The following KCNU1 variants were observed in gnomAD, a reference collection of about 807,000 sequenced individuals.
KCNU1 encodes the protein potassium channel subfamily U member 1.
A neutral mutation model predicts 126.8 loss-of-function variants in KCNU1; 93 were observed. The ratio of observed to expected loss-of-function variants is 0.73; its 90% confidence interval spans 0.62 to 0.87. KCNU1 has a LOEUF of 0.87. Among genes scored for constraint, KCNU1 ranks in the 40% least tolerant of loss-of-function variants. The probability of loss-of-function intolerance (pLI) is 0.00; values close to 1 mark genes in which losing one functional copy is unlikely to be tolerated. For synonymous variants in KCNU1, 523 were observed against 494.2 expected (o/e 1.06, Z -0.77); for missense variants, 1,330 against 1,367.1 (o/e 0.97, Z 0.43).
chr8:36,866,825 TAATAAC>T (rs1805928199), intron 19 of KCNU1, among the ~76,000 whole-genome samples: 1 of 152,104 alleles, frequency 6.6e-6, no homozygotes, highest in Non-Finnish European at 1.5e-5. Context: ...TGACTATAGT[TAATAAC>T]AATATATAGC....
intron 2 of KCNU1, among the ~76,000 whole-genome samples, chr8:36,802,698 A>G (rs1340928424): frequency 6.6e-6 from 1 of 152,164 alleles, no homozygotes; most frequent in Non-Finnish European, 1.5e-5. Flanking sequence ...ATTAAATATC[A>G]AAAAGATTGT....
intron 19 of KCNU1, among the ~76,000 whole-genome samples, chr8:36,867,883 A>C (rs1220162618): frequency 1.3e-5 from 2 of 152,162 alleles, no homozygotes; most frequent in African/African-American, 2.4e-5. Context: ...CCAGTCTGTC[A>C]GCCCTATTTC....
chr8:36,914,850 T>C (rs1808035810), intron 22 of KCNU1, among the ~76,000 whole-genome samples: 1 of 152,228 alleles, frequency 6.6e-6, no homozygotes, highest in Non-Finnish European at 1.5e-5. Flanking sequence ...CGAAGTAATC[T>C]ACAATTAAGC....
intron 2 of KCNU1, among the ~76,000 whole-genome samples, chr8:36,797,773 T>C (rs1370747225): frequency 6.6e-6 from 1 of 152,206 alleles, no homozygotes; most frequent in Non-Finnish European, 1.5e-5. Flanking sequence ...AGTTTAGAAT[T>C]CTTGGCTTGC....
intron 4 of KCNU1, among the ~76,000 whole-genome samples, 163 bp downstream of exon 4, chr8:36,805,448 C>G (rs968078549): frequency 3.3e-5 from 5 of 152,162 alleles, no homozygotes; most frequent in Non-Finnish European, 1.5e-5. Flanking sequence ...TAAAAACTCT[C>G]TCTCCTGCAC....
intron 19 of KCNU1, among the ~76,000 whole-genome samples, chr8:36,883,446 G>A (rs887670746): frequency 6.6e-6 from 1 of 152,020 alleles, no homozygotes; most frequent in Non-Finnish European, 1.5e-5. Context: ...ACAACCTCAG[G>A]GTAACTAATT....
chr8:36,906,085 C>T (rs1194457979), intron 20 of KCNU1, among the ~76,000 whole-genome samples: 1 of 151,998 alleles, frequency 6.6e-6, no homozygotes, highest in African/African-American at 2.4e-5. Context: ...CTCAGTTATT[C>T]AGAATAATGT....
chr8:36,926,255 T>C (rs1808528110), intron 24 of KCNU1, among the ~76,000 whole-genome samples: 1 of 152,164 alleles, frequency 6.6e-6, no homozygotes. Context: ...GTGTATGTGA[T>C]CCTAGAGTCA....
chr8:36,929,267 C>T (rs1289716630), intron 24 of KCNU1, among the ~76,000 whole-genome samples: 1 of 151,666 alleles, frequency 6.6e-6, no homozygotes, highest in Non-Finnish European at 1.5e-5. Flanking sequence ...AACTGTAATA[C>T]CAGCTACTTG....
intron 18 of KCNU1, among the ~76,000 whole-genome samples, chr8:36,863,273 A>C (rs1310605421): frequency 6.6e-6 from 1 of 152,118 alleles, no homozygotes; most frequent in East Asian, 1.9e-4. Context: ...TGAGGTGATA[A>C]GTGGGATTAA....
Position 36,806,267 on chromosome 8 carries a change from A to T in KCNU1, c.469-2A>T. On this transcript the variant is annotated splice_acceptor_variant, in intron 4 of 26. Transcript: ENST00000399881. LOFTEE classifies it high-confidence loss of function. ...TTGTGTTATTCTGTTTCTATTTCAT[A>T]GTTTATGGCAGCTGATGACAAGATC... is the stretch of plus-strand genomic sequence containing the variant. 6.3e-7 allele frequency: 1 copy of T among 1,592,814 alleles called. No individual in the cohort carries two copies. Among genetic ancestry groups the T allele is most frequent in the Non-Finnish European group, 8.6e-7 (1 of 1,165,762 alleles).
intron 19 of KCNU1, among the ~76,000 whole-genome samples, chr8:36,893,388 T>C (rs1332060207): frequency 6.6e-6 from 1 of 151,938 alleles, no homozygotes; most frequent in Admixed American, 6.6e-5. Context: ...AAAAAATTAC[T>C]GCTGATTATT....
chr8:36,850,620 C>T (rs773757400), intron 18 of KCNU1, among the ~76,000 whole-genome samples: 2 of 152,124 alleles, frequency 1.3e-5, no homozygotes, highest in Non-Finnish European at 2.9e-5. Context: ...CTATGCCCAG[C>T]TAATTCCTGC....
intron 24 of KCNU1, among the ~76,000 whole-genome samples, 196 bp from the exon 25 acceptor site, chr8:36,930,755 T>G (rs1486993314): frequency 6.6e-6 from 1 of 152,154 alleles, no homozygotes; most frequent in Non-Finnish European, 1.5e-5. Flanking sequence ...TTGTTTTCTC[T>G]GCACTTGGCC....
Position 36,834,829 on chromosome 8 carries a change from G to T in KCNU1, c.1256G>T (p.Cys419Phe). The change falls in exon 12 of 27, where the codon TGC (cysteine) becomes TTC (phenylalanine). Residue 419 changes from cysteine to phenylalanine, a missense_variant. This residue lies in a region of KCNU1 where 1,054 missense variants were observed against 1,053.9 expected (regional missense o/e 1.00). Transcript: ENST00000399881. ...EACLIIANPL[C>F]SDSHAEDISN... ...TGCCTGATTATAGCCAATCCTTTGT[G>T]CAGTGATTCCCATGCTGAAGATATT... 1.9e-6 allele frequency: 3 copies of T among 1,612,298 alleles called. No homozygotes were observed. Among genetic ancestry groups the T allele is most frequent in the Non-Finnish European group, 2.5e-6 (3 of 1,178,914 alleles).
At chr8:36,892,658 A>C (rs1807014260) in intron 19 of KCNU1, among the ~76,000 whole-genome samples, 1 of 152,090 alleles carries the variant, frequency 6.6e-6, no homozygotes, top group Non-Finnish European at 1.5e-5. Context: ...CTTTATGATC[A>C]GCTAATGATT....
At chr8:36,803,544 A>T (rs1351659747) in intron 2 of KCNU1, among the ~76,000 whole-genome samples, 1 of 152,134 alleles carries the variant, frequency 6.6e-6, no homozygotes, top group Non-Finnish European at 1.5e-5. Context: ...AATTCTGGCT[A>T]TCCTTTAGGG....
chr8:36,922,765 A>G, intron 24 of KCNU1, 136 bp downstream of exon 24: 5 of 905,108 alleles, frequency 5.5e-6, no homozygotes, highest in Non-Finnish European at 8.2e-6. Context: ...GCTTGTTCCC[A>G]TACATTAATT....
chr8:36,849,458 G>A (rs754131250), intron 18 of KCNU1, among the ~76,000 whole-genome samples: 3 of 151,998 alleles, frequency 2.0e-5, no homozygotes, highest in Non-Finnish European at 4.4e-5. Flanking sequence ...GTGTGGTGGT[G>A]TGTGCCTGTA....
Sources: gnomAD v4.1 joint callset for allele counts (sites outside exome capture counted in the v4.1 genomes callset) on GRCh38, gnomAD v4.1.1 for gene constraint, gnomAD v4.1.1 regional missense constraint, MANE v1.5 for transcripts, NCBI Gene and HGNC (gene_info 2026-07-23, HGNC 2026-07-21) for gene names.